Variants in TAB1 observed in about 807,000 individuals in gnomAD.
TAB1 encodes the protein TGF-beta activated kinase 1 (MAP3K7) binding protein 1, also known as TGF-beta-activated kinase 1 and MAP3K7-binding protein 1.
In TAB1, 30 loss-of-function variants were observed where a neutral mutation model predicts 54.5. The observed-to-expected ratio is 0.55, with a 90% confidence interval of 0.41 to 0.75. The LOEUF is 0.75. TAB1 is among the 30% of genes least tolerant of loss of function. TAB1 has a pLI of 0.00. For missense variants in TAB1, 609 were observed against 683.2 expected (o/e 0.89, Z 1.21); for synonymous variants, 289 against 286.9 (o/e 1.01, Z -0.07).
intron 1 of TAB1, among the ~76,000 whole-genome samples, chr22:39,412,954 A>G (rs1926670298): frequency 7.8e-6 from 1 of 127,804 alleles, no homozygotes; most frequent in Non-Finnish European, 1.5e-5. Flanking sequence ...TCGCTCTGTC[A>G]CCCAGGCTGG....
downstream of TAB1, among the ~76,000 whole-genome samples, chr22:39,436,289 T>C (rs150906906): frequency 0.045 from 6,791 of 150,944 alleles, 515 homozygotes; most frequent in African/African-American, 0.16. Context: ...CGAGACTCCG[T>C]CTCAAAAAAA....
In TAB1 at chr22:39,416,800, G is replaced by A; in HGVS notation, c.334G>A (p.Val112Met). The A allele has an allele frequency of 1.2e-6, 2 of 1,614,264 alleles. No homozygotes were observed. The highest frequency in any genetic ancestry group is 1.7e-6 in the Non-Finnish European group (2 of 1,180,044). ...TCCTGTGTCCCCCTAGGCCTTCGAT[G>A]TGGTGGAGAGGAGCTTCCTGGAGTC... ...VRRVLLQAFD[V>M]VERSFLESID... Residue 112 changes from valine to methionine, a missense_variant, in exon 4 of 11, where the codon GTG becomes ATG. Coordinates refer to ENST00000216160, the MANE Select transcript of TAB1 (RefSeq NM_006116.3).
intron 8 of TAB1, among the ~76,000 whole-genome samples, chr22:39,424,955 C>T (rs1927256129): frequency 6.6e-6 from 1 of 152,110 alleles, no homozygotes; most frequent in South Asian, 2.1e-4. Context: ...CCTGTCCCTG[C>T]CCTCCTGCCC....
At chr22:39,433,458 A>AG, downstream of TAB1, 1 of 982,528 alleles carries the variant, frequency 1.0e-6, no homozygotes, top group Non-Finnish European at 1.2e-6. Flanking sequence ...GTCTCAAGAA[A>AG]AAAAAAAAAG....
chr22:39,430,637 C>G lies in TAB1; in HGVS notation c.*415C>G, dbSNP rs1841574644. 1.8e-6 allele frequency: 2 copies of G among 1,092,770 alleles called. No individual in the cohort carries two copies. Among genetic ancestry groups the G allele is most frequent in the Admixed American group, 4.3e-5 (1 of 23,394 alleles). The allele number at this position is 1,092,770 out of a possible 1,614,324, so 67.7% of individuals were successfully genotyped here. A position where few individuals can be genotyped will look rare whatever the true frequency, so the allele number is the denominator to read the frequency against. On this transcript the variant is annotated 3_prime_UTR_variant, in exon 11 of 11. Transcript: ENST00000216160. ...AGCCCACCCCTCCTCCCACCATCACCTCCCTCACCTCGGGACAGTAGCCCT... is the reference window on the plus strand; with the variant it reads ...AGCCCACCCCTCCTCCCACCATCACGTCCCTCACCTCGGGACAGTAGCCCT...
At chr22:39,404,392 C>T (rs886334170) in intron 1 of TAB1, among the ~76,000 whole-genome samples, 4 of 151,874 alleles carry the variant, frequency 2.6e-5, no homozygotes, top group East Asian at 1.9e-4. Flanking sequence ...CAGATCAGCT[C>T]GGGCAACATA....
chr22:39,429,011 C>G, intron 10 of TAB1: 1 of 976,230 alleles, frequency 1.0e-6, no homozygotes, highest in Non-Finnish European at 1.2e-6. Flanking sequence ...GCACCCCTGC[C>G]GGGCTGCCTG....
chr22:39,402,581 A>G (rs945935281), intron 1 of TAB1, among the ~76,000 whole-genome samples: 2 of 152,122 alleles, frequency 1.3e-5, no homozygotes, highest in Admixed American at 6.5e-5. Flanking sequence ...GGAAGACAGG[A>G]TCTCACTGTC....
At chr22:39,410,157 G>T (rs1035737498) in intron 1 of TAB1, among the ~76,000 whole-genome samples, 3 of 152,238 alleles carry the variant, frequency 2.0e-5, no homozygotes, top group African/African-American at 7.2e-5. Context: ...ATCCAGGCTG[G>T]AGTGCAGTGG....
chr22:39,411,664 T>G (rs1013529191), intron 1 of TAB1, among the ~76,000 whole-genome samples: 2 of 152,224 alleles, frequency 1.3e-5, no homozygotes, highest in African/African-American at 4.8e-5. Context: ...GAAAACAGTT[T>G]GGCAGGTTCT....
chr22:39,434,918 G>A (rs1927728000), downstream of TAB1, among the ~76,000 whole-genome samples: 1 of 152,214 alleles, frequency 6.6e-6, no homozygotes, highest in Admixed American at 6.5e-5. Context: ...AACCTTCCGT[G>A]GATCCAGCCT....
chr22:39,408,244 G>A (rs1014006421), intron 1 of TAB1, among the ~76,000 whole-genome samples: 2 of 152,204 alleles, frequency 1.3e-5, no homozygotes, highest in South Asian at 2.1e-4. Context: ...AACAAGGCAC[G>A]TGCTCAGTAG....
At chr22:39,429,780 C>A (rs1368508264) in intron 10 of TAB1, 2 of 980,402 alleles carry the variant, frequency 2.0e-6, no homozygotes, top group African/African-American at 3.5e-5. Flanking sequence ...CCGCGCCCAG[C>A]CCCATTTTCT....
downstream of TAB1, among the ~76,000 whole-genome samples, chr22:39,434,938 G>A (rs149460488): frequency 2.0e-5 from 3 of 152,156 alleles, no homozygotes; most frequent in South Asian, 2.1e-4. Context: ...TCCTACCTCC[G>A]GGTACCTGCT....
intron 5 of TAB1, among the ~76,000 whole-genome samples, chr22:39,418,126 C>G (rs1926920165): frequency 6.6e-6 from 1 of 152,164 alleles, no homozygotes; most frequent in Non-Finnish European, 1.5e-5. Flanking sequence ...GCCTTGGGGG[C>G]CGCTGCTTCT....
downstream of TAB1, among the ~76,000 whole-genome samples, chr22:39,434,926 C>T (rs982095408): frequency 1.4e-4 from 21 of 152,364 alleles, no homozygotes; most frequent in African/African-American, 4.3e-4. Flanking sequence ...GTGGATCCAG[C>T]CTCCTACCTC....
intron 1 of TAB1, among the ~76,000 whole-genome samples, chr22:39,406,131 G>A (rs923753177): frequency 5.3e-5 from 8 of 152,164 alleles, no homozygotes; most frequent in Admixed American, 2.6e-4. Flanking sequence ...CCAGGCTATA[G>A]CACAATGGTT....
At chr22:39,426,183 G>T (rs1927327461) in intron 8 of TAB1, among the ~76,000 whole-genome samples, 1 of 152,210 alleles carries the variant, frequency 6.6e-6, no homozygotes, top group African/African-American at 2.4e-5. Context: ...TCAACTTACA[G>T]TGGGTTTGTC....
At chr22:39,409,551 C>T (rs996250356) in intron 1 of TAB1, among the ~76,000 whole-genome samples, 5 of 152,232 alleles carry the variant, frequency 3.3e-5, no homozygotes, top group Admixed American at 6.5e-5. Context: ...CCAGCCTTCT[C>T]GTGCTTCCGT....
Sources: gnomAD v4.1 joint callset for allele counts (sites outside exome capture counted in the v4.1 genomes callset) on GRCh38, gnomAD v4.1.1 for gene constraint, MANE v1.5 for transcripts, NCBI Gene and HGNC (gene_info 2026-07-23, HGNC 2026-07-21) for gene names.